Variants in MSRB3 observed in about 807,000 individuals in gnomAD.
The protein encoded by MSRB3 is methionine sulfoxide reductase B3, also known as methionine-R-sulfoxide reductase B3.
A neutral mutation model predicts 21.0 loss-of-function variants in MSRB3; 13 were observed. That is an observed-to-expected ratio of 0.62 (90% CI 0.40 to 0.98). The LOEUF is 0.98. Ranked by LOEUF, MSRB3 falls within the 50% of genes least tolerant of loss-of-function variation. The pLI is 0.00. For synonymous variants in MSRB3, 87 were observed against 88.6 expected, an observed-to-expected ratio of 0.98 and a Z score of 0.10; for missense variants, 199 against 230.3, an observed-to-expected ratio of 0.86 and a Z score of 0.88.
chr12:65,311,523 A>G (rs370418808), intron 2 of MSRB3, among the ~76,000 whole-genome samples: 2 of 152,242 alleles, frequency 1.3e-5, no homozygotes, highest in South Asian at 2.1e-4. Context: ...TAACTTCAAC[A>G]GTAATGAAAC....
chr12:65,455,561 A>C (rs1287970221), intron 6 of MSRB3, among the ~76,000 whole-genome samples: 1 of 152,194 alleles, frequency 6.6e-6, no homozygotes, highest in Non-Finnish European at 1.5e-5. Context: ...TGAGGCACAA[A>C]GAGAGCAATT....
intron 1 of MSRB3, chr12:65,307,022 G>T: frequency 1.0e-6 from 1 of 985,848 alleles, no homozygotes; most frequent in Non-Finnish European, 1.2e-6. Context: ...CTGCAGCTTT[G>T]CTAAGTAATT....
At chr12:65,404,118 G>A (rs908535951) in intron 5 of MSRB3, among the ~76,000 whole-genome samples, 1 of 152,180 alleles carries the variant, frequency 6.6e-6, no homozygotes, top group East Asian at 1.9e-4. Flanking sequence ...CAGACTGAGG[G>A]CAGGTGCTAT....
At chr12:65,454,288 AT>A (rs1375978385) in intron 6 of MSRB3, 1 of 122,244 alleles carries the variant, frequency 8.2e-6, no homozygotes, top group Non-Finnish European at 1.7e-5. Context: ...ACCCTGTCTC[AT>A]AAATTAAATA....
At chr12:65,297,573 G>C (rs1367578929) in intron 1 of MSRB3, among the ~76,000 whole-genome samples, 1 of 152,288 alleles carries the variant, frequency 6.6e-6, no homozygotes, top group East Asian at 1.9e-4. Flanking sequence ...TAAAGTAAGG[G>C]ACAAGTAAGT....
intron 5 of MSRB3, among the ~76,000 whole-genome samples, chr12:65,445,733 C>A (rs1399849025): frequency 6.6e-6 from 1 of 151,242 alleles, no homozygotes; most frequent in Non-Finnish European, 1.5e-5. Context: ...GCAACTGCCA[C>A]CTCCAAGGTT....
intron 3 of MSRB3, among the ~76,000 whole-genome samples, chr12:65,327,671 C>T (rs1384115591): frequency 6.6e-6 from 1 of 152,196 alleles, no homozygotes; most frequent in Non-Finnish European, 1.5e-5. Context: ...AATGATGTAA[C>T]TTCTTGTTTT....
chr12:65,309,489 G>A (rs1164942497), intron 2 of MSRB3, among the ~76,000 whole-genome samples: 1 of 152,134 alleles, frequency 6.6e-6, no homozygotes, highest in Non-Finnish European at 1.5e-5. Flanking sequence ...GATAAATAAG[G>A]TAAAGCTGAT....
intron 1 of MSRB3, among the ~76,000 whole-genome samples, chr12:65,292,616 A>G (rs1176593144): frequency 6.6e-6 from 1 of 151,958 alleles, no homozygotes; most frequent in Admixed American, 6.6e-5. Flanking sequence ...ACTTTCTTAG[A>G]CAATCTTATT....
chr12:65,439,689 GA>G (rs919293127), intron 5 of MSRB3, among the ~76,000 whole-genome samples: 1 of 150,906 alleles, frequency 6.6e-6, no homozygotes, highest in Admixed American at 6.6e-5. Context: ...CATTATTATA[GA>G]AAAAAGATGA....
intron 5 of MSRB3, among the ~76,000 whole-genome samples, chr12:65,382,624 A>T (rs1454914480): frequency 6.6e-6 from 1 of 151,618 alleles, no homozygotes; most frequent in Non-Finnish European, 1.5e-5. Context: ...CATCACGACC[A>T]CCTGTTTAGT....
chr12:65,290,647 C>A (rs1365046433), intron 1 of MSRB3, among the ~76,000 whole-genome samples: 1 of 152,100 alleles, frequency 6.6e-6, no homozygotes, highest in South Asian at 2.1e-4. Flanking sequence ...TAAAATATTT[C>A]AGTTTTTTAC....
intron 5 of MSRB3, among the ~76,000 whole-genome samples, chr12:65,439,956 G>A (rs933941901): frequency 6.6e-6 from 1 of 151,616 alleles, no homozygotes; most frequent in Non-Finnish European, 1.5e-5. Context: ...CCTGATATAA[G>A]ACCAGTCTGT....
intron 6 of MSRB3, among the ~76,000 whole-genome samples, chr12:65,458,294 A>G (rs1167492139): frequency 6.6e-6 from 1 of 152,228 alleles, no homozygotes; most frequent in African/African-American, 2.4e-5. Flanking sequence ...GACACCATGC[A>G]TACAGTGAAT....
At chr12:65,440,601 T>C (rs770175644) in intron 5 of MSRB3, among the ~76,000 whole-genome samples, 1 of 151,952 alleles carries the variant, frequency 6.6e-6, no homozygotes, top group Non-Finnish European at 1.5e-5. Flanking sequence ...AATGCTATAA[T>C]AGTGCTACAG....
At chr12:65,421,536 G>T (rs149154039) in intron 5 of MSRB3, among the ~76,000 whole-genome samples, 1 of 152,178 alleles carries the variant, frequency 6.6e-6, no homozygotes, top group Non-Finnish European at 1.5e-5. Flanking sequence ...GAAATTTTTG[G>T]CAGTTTCTAT....
chr12:65,441,175 T>C (rs1592640999), intron 5 of MSRB3, among the ~76,000 whole-genome samples: 1 of 152,034 alleles, frequency 6.6e-6, no homozygotes, highest in East Asian at 1.9e-4. Flanking sequence ...CATTTTAAGC[T>C]TGTCAGTGGT....
At chr12:65,386,338 A>G (rs1879195196) in intron 5 of MSRB3, among the ~76,000 whole-genome samples, 1 of 151,978 alleles carries the variant, frequency 6.6e-6, no homozygotes, top group South Asian at 2.1e-4. Flanking sequence ...ACCATTACAC[A>G]TGTATTCTTT....
At chr12:65,362,094 C>T (rs1877741864) in intron 4 of MSRB3, among the ~76,000 whole-genome samples, 1 of 152,028 alleles carries the variant, frequency 6.6e-6, no homozygotes. Context: ...CTGGCAATGC[C>T]AGACCCTACT....
Sources: allele counts gnomAD v4.1 joint callset (sites outside exome capture counted in the v4.1 genomes callset), GRCh38; gene constraint gnomAD v4.1.1; transcripts MANE v1.5; gene names NCBI Gene and HGNC (gene_info 2026-07-23, HGNC 2026-07-21).